Variants in OR7D2 observed in about 807,000 individuals in gnomAD.
OR7D2 encodes the protein olfactory receptor family 7 subfamily D member 2, also known as olfactory receptor 7D2.
For synonymous variants in OR7D2, 158 were observed against 158.7 expected (o/e 1.00, Z 0.03); for missense variants, 370 against 384.1 (o/e 0.96, Z 0.31).
chr19:9,179,938 G>A (rs1600240703), intron 1 of OR7D2, among the ~76,000 whole-genome samples: 1 of 151,892 alleles, frequency 6.6e-6, no homozygotes, highest in African/African-American at 2.4e-5. Context: ...GGGAGGCAGA[G>A]GTTGCAGTGA....
At chr19:9,182,513 TTATCA>T in intron 2 of OR7D2, 16 of 203,882 alleles carry the variant, frequency 7.8e-5, no homozygotes, top group South Asian at 5.5e-4. Flanking sequence ...TATTTATTTA[TTATCA>T]TTATTATTAT....
chr19:9,181,735 A>G (rs2050990846), intron 2 of OR7D2, among the ~76,000 whole-genome samples: 1 of 152,116 alleles, frequency 6.6e-6, no homozygotes. Context: ...CCCAAGTGTA[A>G]GCCTCCATGC....
chr19:9,184,938 A>T (rs1568322932), intron 2 of OR7D2, among the ~76,000 whole-genome samples: 1 of 152,294 alleles, frequency 6.6e-6, no homozygotes, highest in Non-Finnish European at 1.5e-5. Flanking sequence ...TGCAGAAAGA[A>T]AAATATTGCA....
Position 9,186,893 on chromosome 19 carries a change from C to A in OR7D2, c.*173C>A. 1.8e-6 allele frequency: 1 copy of A among 541,442 alleles called. No homozygotes were observed. The highest frequency in any genetic ancestry group is 3.2e-6 in the Non-Finnish European group (1 of 309,454). 33.5% of individuals were successfully genotyped at this position (541,442 alleles called of 1,614,324 possible). A position where few individuals can be genotyped will look rare whatever the true frequency, so the allele number is the denominator to read the frequency against. On this transcript the variant is annotated 3_prime_UTR_variant, in exon 3 of 3. Transcript: ENST00000641288. ...GGTGAAGTCTGAGCTTTTGGCGTAC[C>A]AATTACCTGAATAGTGAACATAAGG...
At chr19:9,184,651 C>A (rs2051016920) in intron 2 of OR7D2, among the ~76,000 whole-genome samples, 1 of 151,992 alleles carries the variant, frequency 6.6e-6, no homozygotes, top group Non-Finnish European at 1.5e-5. Flanking sequence ...TGGAAACAAC[C>A]TAAGTGTCTG....
At chr19:9,183,638 TTAAC>T (rs1227383320) in intron 2 of OR7D2, among the ~76,000 whole-genome samples, 2 of 151,878 alleles carry the variant, frequency 1.3e-5, no homozygotes, top group South Asian at 2.1e-4. Flanking sequence ...TAGCTAACTA[TTAAC>T]TAACTATTCA....
chr19:9,182,513 T>TTTA (rs1568322254), intron 2 of OR7D2: 2 of 203,892 alleles, frequency 9.8e-6, no homozygotes, highest in Non-Finnish European at 2.1e-5. Flanking sequence ...TATTTATTTA[T>TTTA]TATCATTATT....
In OR7D2 at chr19:9,185,983, T is replaced by C. The variant is rs1413907460; in HGVS notation, c.202T>C (p.Trp68Arg). Residue 68 changes from tryptophan to arginine, a missense_variant, in exon 3 of 3, where the codon TGG becomes CGG. Physicochemically the swap from Trp to Arg is moderately radical, Grantham distance 101 (BLOSUM62 -3). Coordinates refer to ENST00000641288, the MANE Select transcript of OR7D2 (RefSeq NM_175883.4). ...PMYFFLSNLSWVDICFSTCIV... is the reference protein window; with the variant it reads ...PMYFFLSNLSRVDICFSTCIV... The stretch of plus-strand genomic sequence containing the variant: ...GTACTTCTTCCTCTCCAACCTGTCC[T>C]GGGTTGACATCTGTTTCAGCACTTG... 1.2e-6 allele frequency: 2 copies of C among 1,614,018 alleles called. No homozygotes were observed. The highest frequency in any genetic ancestry group is 2.2e-5 in the East Asian group (1 of 44,894).
intron 2 of OR7D2, among the ~76,000 whole-genome samples, chr19:9,185,317 A>T (rs1178904072): frequency 6.6e-6 from 1 of 151,896 alleles, no homozygotes; most frequent in South Asian, 2.1e-4. Context: ...AATATAATTA[A>T]TTTTTAAATA....
chr19:9,187,477 A>T lies in OR7D2; in HGVS notation c.*757A>T, dbSNP rs932753493. 4.4e-5 allele frequency: 7 copies of T among 160,884 alleles called. No individual in the cohort carries two copies. Among genetic ancestry groups the T allele is most frequent in the African/African-American group, 1.9e-4 (7 of 37,562 alleles). The allele number at this position is 160,884 out of a possible 1,614,324, so 10.0% of individuals were successfully genotyped here. A position where few individuals can be genotyped will look rare whatever the true frequency, so the allele number is the denominator to read the frequency against. Reference sequence around the variant, plus strand: ...TATATAGATATAGACATATGTAGATACATACCATGTTTTCTTTTTTTAAAA... The same window carrying T: ...TATATAGATATAGACATATGTAGATTCATACCATGTTTTCTTTTTTTAAAA... On this transcript the variant is annotated 3_prime_UTR_variant, in exon 3 of 3. Coordinates refer to ENST00000641288, the MANE Select transcript of OR7D2 (RefSeq NM_175883.4).
chr19:9,181,040 G>T (rs199948349), intron 2 of OR7D2, among the ~76,000 whole-genome samples: 1 of 151,836 alleles, frequency 6.6e-6, no homozygotes, highest in Non-Finnish European at 1.5e-5. Context: ...TGGGAGGATC[G>T]CTTAAGCCCA....
chr19:9,182,327 T>A (rs932021832), intron 2 of OR7D2: 3 of 190,150 alleles, frequency 1.6e-5, no homozygotes, highest in Middle Eastern at 5.3e-3. Flanking sequence ...AGGTATTAAA[T>A]ACTGAAATGA....
chr19:9,181,187 C>T (rs576390541), intron 2 of OR7D2, among the ~76,000 whole-genome samples: 4 of 135,670 alleles, frequency 2.9e-5, no homozygotes, highest in African/African-American at 1.5e-4. Context: ...GCATTAATAC[C>T]ATATTATATA....
intron 2 of OR7D2, among the ~76,000 whole-genome samples, chr19:9,182,151 T>G (rs2050994005): frequency 6.6e-6 from 1 of 152,232 alleles, no homozygotes; most frequent in South Asian, 2.1e-4. Context: ...CATTTTTGTT[T>G]ATTTATCAGT....
In OR7D2 at chr19:9,186,362, T is replaced by G; in HGVS notation, c.581T>G (p.Leu194Arg). 1 of 1,614,064 alleles carries G rather than the reference T, an allele frequency of 6.2e-7. No individual in the cohort carries two copies. The highest frequency in any genetic ancestry group is 8.5e-7 in the Non-Finnish European group (1 of 1,179,974). ...CAGCTGGCCTGCTCTGATACCTTCC[T>G]GAACAGCACGTTGATATACTTTATG... ...ILQLACSDTF[L>R]NSTLIYFMTG... The change falls in exon 3 of 3, where the codon CTG becomes CGG. Residue 194 changes from leucine (L) to arginine (R), a missense_variant. Coordinates refer to ENST00000641288, the MANE Select transcript of OR7D2 (RefSeq NM_175883.4).
In OR7D2 at chr19:9,187,432, T is replaced by C. The variant is rs896234709; in HGVS notation, c.*712T>C. The stretch of plus-strand genomic sequence containing the variant: ...TTTTTTATGGCTGAGTAGTACTCCA[T>C]TGTATATATCCTCGATATCTATATA... On this transcript the variant is annotated 3_prime_UTR_variant, in exon 3 of 3. Coordinates refer to ENST00000641288, the MANE Select transcript of OR7D2 (RefSeq NM_175883.4). The C allele has an allele frequency of 6.0e-6, 1 of 165,720 alleles. No homozygotes were observed. Among genetic ancestry groups the C allele is most frequent in the African/African-American group, 2.4e-5 (1 of 41,450 alleles). The allele number at this position is 165,720 out of a possible 1,614,324, so 10.3% of individuals were successfully genotyped here. A position where few individuals can be genotyped will look rare whatever the true frequency, so the allele number is the denominator to read the frequency against.
Position 9,185,797 on chromosome 19 carries a change from C to G in OR7D2, c.16C>G (p.Gln6Glu), listed in dbSNP as rs2051025984. MEAGN[Q>E]TGFLEFILLG... is the part of the protein sequence containing the mutation. ...CATCAGCTACATGGAAGCAGGAAAC[C>G]AAACAGGATTTTTAGAGTTTATCCT... The change falls in exon 3 of 3, where the codon CAA (glutamine) becomes GAA (glutamate). Residue 6 changes from glutamine to glutamate, a missense_variant. Transcript: ENST00000641288. 6.3e-7 allele frequency: 1 copy of G among 1,576,024 alleles called. No individual in the cohort carries two copies. The highest frequency in any genetic ancestry group is 1.2e-5 in the South Asian group (1 of 83,140).
chr19:9,180,286 A>G (rs2050980962), intron 1 of OR7D2, among the ~76,000 whole-genome samples: 1 of 151,430 alleles, frequency 6.6e-6, no homozygotes, highest in Non-Finnish European at 1.5e-5. Context: ...TTAAAAATCT[A>G]TTTTTGTAGA....
At chr19:9,185,294 G>A (rs1329318734) in intron 2 of OR7D2, among the ~76,000 whole-genome samples, 3 of 151,836 alleles carry the variant, frequency 2.0e-5, no homozygotes, top group Non-Finnish European at 2.9e-5. Flanking sequence ...TATAGTATAC[G>A]TTGAATATAC....
Sources: allele counts gnomAD v4.1 joint callset (sites outside exome capture counted in the v4.1 genomes callset), GRCh38; gene constraint gnomAD v4.1.1; transcripts MANE v1.5; gene names NCBI Gene and HGNC (gene_info 2026-07-23, HGNC 2026-07-21).